Variants in MICAL2 observed in about 807,000 individuals in gnomAD.
MICAL2 encodes the protein microtubule associated monooxygenase, calponin and LIM domain containing 2.
MICAL2 carries 77 observed loss-of-function variants against 127.3 expected under a neutral mutation model. The observed-to-expected ratio is 0.60, with a 90% CI of 0.50 to 0.73. MICAL2 has a LOEUF of 0.73. Among genes scored for constraint, MICAL2 ranks in the 30% least tolerant of loss-of-function variants. The pLI is 0.00. For synonymous variants in MICAL2, 570 were observed against 551.1 expected, an observed-to-expected ratio of 1.03 and a Z score of -0.48; for missense variants, 1,351 against 1,434.4, an observed-to-expected ratio of 0.94 and a Z score of 0.94.
At chr11:12,292,445 ACCCCAGCTG>A, downstream of MICAL2, 1 of 833,480 alleles carries the variant, frequency 1.2e-6, no homozygotes, top group Non-Finnish European at 1.9e-6. Flanking sequence ...TCAAGGGTCT[ACCCCAGCTG>A]CCTTCATGTA....
intron 2 of MICAL2, among the ~76,000 whole-genome samples, chr11:12,156,079 T>A (rs12421367): frequency 0.021 from 3,232 of 152,280 alleles, 47 homozygotes; most frequent in Middle Eastern, 0.044. Context: ...GAACTTGGGT[T>A]CTCAGTGAAG....
rs140202409 is a variant in MICAL2, at chr11:12,241,649, G to A, written c.2337+487G>A. Among the ~76,000 whole-genome samples the A allele has an allele frequency of 1.8e-4, 27 of 152,306 alleles. 1 individual carries two copies. In the East Asian group the frequency reaches 4.1e-3, roughly 23 times the overall value. On this transcript the variant is annotated intron_variant, in intron 18 of 27. Coordinates refer to ENST00000683283, the MANE Select transcript of MICAL2 (RefSeq NM_001282663.2). Reference sequence around the variant, plus strand: ...GGGCGGGAAGGCAGCTGGCAGTCACGGAGTATGGCTTATGGCAGGTAGTGC... The same window carrying A: ...GGGCGGGAAGGCAGCTGGCAGTCACAGAGTATGGCTTATGGCAGGTAGTGC...
intron 32 of MICAL2, among the ~76,000 whole-genome samples, chr11:12,335,886 A>G (rs1344395886): frequency 3.3e-5 from 5 of 152,138 alleles, no homozygotes; most frequent in African/African-American, 4.8e-5. Context: ...GTCAGGTAGC[A>G]TGATGCCTCC....
intron 29 of MICAL2, among the ~76,000 whole-genome samples, chr11:12,305,952 C>T (rs1864105089): frequency 6.6e-6 from 1 of 152,126 alleles, no homozygotes; most frequent in Non-Finnish European, 1.5e-5. Context: ...CATCTAAGAA[C>T]ACCTTATAGC....
intron 10 of MICAL2, 113 bp from the exon 11 acceptor site, chr11:12,222,504 C>T: frequency 2.9e-6 from 4 of 1,401,274 alleles, no homozygotes; most frequent in Non-Finnish European, 3.9e-6. Context: ...AAGGGTTAGA[C>T]AAACATGTCC....
intron 1 of MICAL2, among the ~76,000 whole-genome samples, chr11:12,126,890 T>TGGC (rs1234094437): frequency 6.6e-6 from 1 of 151,634 alleles, no homozygotes; most frequent in Non-Finnish European, 1.5e-5. Flanking sequence ...GGAGCAGAGG[T>TGGC]GGCGGCAGCA....
Position 12,223,472 on chromosome 11 carries a change from TGAG to T in MICAL2, c.1515_1517del (p.Arg506del), listed in dbSNP as rs764372636. On this transcript the variant is annotated inframe_deletion, in exon 12 of 28. Coordinates refer to ENST00000683283, the MANE Select transcript of MICAL2 (RefSeq NM_001282663.2). Reference sequence around the variant, plus strand: ...TACCCTCTCGAGAGACTGGGCTCGGTGAGGAGATCTGTCAACCTCTCCAGGAAG... The same window carrying T: ...TACCCTCTCGAGAGACTGGGCTCGGTGAGATCTGTCAACCTCTCCAGGAAG... The T allele has an allele frequency of 3.6e-5, 58 of 1,614,022 alleles. No homozygotes were observed. The East Asian group carries it at 6.5e-4, about 18-fold the overall frequency.
At chr11:12,192,935 A>C (rs879650230) in intron 3 of MICAL2, among the ~76,000 whole-genome samples, 1 of 152,174 alleles carries the variant, frequency 6.6e-6, no homozygotes. Context: ...CCTGCCTGGT[A>C]GGAACTGCTT....
At chr11:12,275,208 G>A (rs1050081085), upstream of MICAL2, among the ~76,000 whole-genome samples, 2 of 152,210 alleles carry the variant, frequency 1.3e-5, no homozygotes, top group East Asian at 3.8e-4. Context: ...TGGGTGGGTG[G>A]AGAAGATGAA....
chr11:12,136,324 C>G (rs191549107), intron 1 of MICAL2, among the ~76,000 whole-genome samples: 1 of 152,174 alleles, frequency 6.6e-6, no homozygotes, highest in African/African-American at 2.4e-5. Flanking sequence ...CTGCTGTGGT[C>G]TCTGCTAATC....
chr11:12,187,218 G>T (rs948293874), intron 3 of MICAL2, among the ~76,000 whole-genome samples: 5 of 152,068 alleles, frequency 3.3e-5, no homozygotes, highest in African/African-American at 4.8e-5. Context: ...GAGCTGACTG[G>T]TTTTTAACTG....
chr11:12,265,595 T>C (rs1863594867), downstream of MICAL2, among the ~76,000 whole-genome samples: 1 of 152,126 alleles, frequency 6.6e-6, no homozygotes, highest in Non-Finnish European at 1.5e-5. Flanking sequence ...AACAAAGAAG[T>C]TCATTGCATG....
chr11:12,228,315 A>C (rs1857743701), intron 15 of MICAL2, among the ~76,000 whole-genome samples: 2 of 152,096 alleles, frequency 1.3e-5, no homozygotes, highest in Non-Finnish European at 2.9e-5. Context: ...GGATAAGAAG[A>C]GTGAAATTCC....
intron 2 of MICAL2, among the ~76,000 whole-genome samples, chr11:12,138,682 C>T (rs141617292): frequency 1.3e-5 from 2 of 152,296 alleles, no homozygotes; most frequent in Non-Finnish European, 2.9e-5. Flanking sequence ...CCTGCTTGTC[C>T]CACCTACCGG....
chr11:12,113,266 G>T (rs1009321010), intron 1 of MICAL2, among the ~76,000 whole-genome samples: 1 of 152,194 alleles, frequency 6.6e-6, no homozygotes, highest in Non-Finnish European at 1.5e-5. Flanking sequence ...TTACAACTTG[G>T]CCGGGTGTGG....
Position 12,209,533 on chromosome 11 carries a change from A to G in MICAL2, c.626A>G (p.His209Arg). 1 of 1,614,194 alleles carries G rather than the reference A, an allele frequency of 6.2e-7. No individual in the cohort carries two copies. Among genetic ancestry groups the G allele is most frequent in the Non-Finnish European group, 8.5e-7 (1 of 1,180,034 alleles). Residue 209 changes from histidine (H) to arginine (R), a missense_variant, in exon 6 of 28, where the codon CAT becomes CGT. Physicochemically the swap from His to Arg is conservative, Grantham distance 29. Coordinates refer to ENST00000683283, the MANE Select transcript of MICAL2 (RefSeq NM_001282663.2). The part of the protein sequence containing the change: ...GWRAEFLPTD[H>R]SLSEFEFDVI... ...CGGGCAGAATTTCTCCCTACAGACC[A>G]TTCTCTGTCGGAGTTTGAGTTTGAC...
At chr11:12,185,514 T>A (rs1858119084) in intron 3 of MICAL2, among the ~76,000 whole-genome samples, 1 of 152,166 alleles carries the variant, frequency 6.6e-6, no homozygotes, top group South Asian at 2.1e-4. Flanking sequence ...AAGCCGTCAC[T>A]TGCTGTATTG....
At chr11:12,262,693 CG>C in intron 27 of MICAL2, 156 bp downstream of exon 27, 11 of 676,004 alleles carry the variant, frequency 1.6e-5, no homozygotes, top group South Asian at 8.7e-5. Flanking sequence ...AACAGCATGG[CG>C]GGGGGTGTTC....
intron 34 of MICAL2, chr11:12,354,891 C>G (rs1270803799): frequency 6.3e-7 from 1 of 1,593,682 alleles, no homozygotes; most frequent in Admixed American, 1.7e-5. Context: ...GAGAACTTCC[C>G]CCTAGAAAGG....
Sources: gnomAD v4.1 joint callset for allele counts (sites outside exome capture counted in the v4.1 genomes callset) on GRCh38, gnomAD v4.1.1 for gene constraint, MANE v1.5 for transcripts, NCBI Gene and HGNC (gene_info 2026-07-23, HGNC 2026-07-21) for gene names.